RALYL: variants seen among roughly 807,000 people sequenced by gnomAD.
RALYL encodes RALY RNA binding protein like.
RALYL carries 29 observed loss-of-function variants against 35.1 expected under a neutral mutation model. The ratio of observed to expected loss-of-function variants is 0.83; its 90% CI spans 0.61 to 1.13. The LOEUF (loss-of-function observed/expected upper bound fraction) is 1.13. Ranked by LOEUF, RALYL falls within the 50% of genes most tolerant of loss-of-function variation. The probability of loss-of-function intolerance (pLI) is 0.00; values close to 1 mark genes in which losing one functional copy is unlikely to be tolerated. For synonymous variants in RALYL, 120 were observed against 127.6 expected, an observed-to-expected ratio of 0.94 and a Z score of 0.40; for missense variants, 359 against 360.4, an observed-to-expected ratio of 1.00 and a Z score of 0.03.
chr8:84,868,619 A>G (rs1156371853), intron 6 of RALYL, among the ~76,000 whole-genome samples: 1 of 152,228 alleles, frequency 6.6e-6, no homozygotes, highest in Non-Finnish European at 1.5e-5. Context: ...GCAGCTTCTA[A>G]TGAAATGCAA....
intron 2 of RALYL, among the ~76,000 whole-genome samples, chr8:84,642,112 C>G (rs764412077): frequency 4.6e-5 from 7 of 151,932 alleles, no homozygotes; most frequent in Non-Finnish European, 1.0e-4. Context: ...ATGTATATTA[C>G]ATAAATACAT....
chr8:84,641,190 C>G (rs1826236817), intron 2 of RALYL, among the ~76,000 whole-genome samples: 1 of 150,904 alleles, frequency 6.6e-6, no homozygotes, highest in Non-Finnish European at 1.5e-5. Flanking sequence ...ATCTCTCTCC[C>G]CTGCTTACTG....
At chr8:84,259,684 T>C (rs531307538) in intron 1 of RALYL, among the ~76,000 whole-genome samples, 1 of 152,236 alleles carries the variant, frequency 6.6e-6, no homozygotes, top group Non-Finnish European at 1.5e-5. Flanking sequence ...CTTGTGTTTT[T>C]GTGATCAAAC....
chr8:84,721,504 A>T (rs1395692611), intron 2 of RALYL, among the ~76,000 whole-genome samples: 1 of 152,172 alleles, frequency 6.6e-6, no homozygotes, highest in African/African-American at 2.4e-5. Context: ...CTCATAGCTG[A>T]TAACACGTTC....
chr8:84,814,347 G>A (rs537825022), intron 4 of RALYL, among the ~76,000 whole-genome samples: 44 of 152,140 alleles, frequency 2.9e-4, no homozygotes, highest in Middle Eastern at 3.4e-3. Context: ...TATTATAATG[G>A]GGAAAGATAA....
At chr8:84,836,045 G>A (rs1449182318) in intron 4 of RALYL, among the ~76,000 whole-genome samples, 1 of 152,136 alleles carries the variant, frequency 6.6e-6, no homozygotes. Flanking sequence ...TTATGCTGTT[G>A]CTGTTATTTT....
chr8:84,208,547 C>T (rs1467699211), intron 1 of RALYL, among the ~76,000 whole-genome samples: 8 of 152,096 alleles, frequency 5.3e-5, no homozygotes, highest in Non-Finnish European at 7.4e-5. Context: ...TTAAGCTTCT[C>T]AAGAATAGAG....
At chr8:84,900,253 AAT>A (rs1845440080) in intron 8 of RALYL, among the ~76,000 whole-genome samples, 1 of 152,208 alleles carries the variant, frequency 6.6e-6, no homozygotes, top group Non-Finnish European at 1.5e-5. Context: ...AATAGGAAAA[AAT>A]AGTTACTTTT....
At chr8:84,465,042 C>T (rs1416811430) in intron 1 of RALYL, among the ~76,000 whole-genome samples, 1 of 109,030 alleles carries the variant, frequency 9.2e-6, no homozygotes, top group Non-Finnish European at 2.0e-5. Flanking sequence ...TGGATATTAG[C>T]CCTTTGTCAG....
intron 2 of RALYL, among the ~76,000 whole-genome samples, chr8:84,693,983 G>A (rs548806972): frequency 3.3e-5 from 5 of 151,668 alleles, no homozygotes; most frequent in South Asian, 2.1e-4. Context: ...CACAATAAAG[G>A]CCATATCTGA....
chr8:84,276,734 G>C (rs1585859732), intron 1 of RALYL, among the ~76,000 whole-genome samples: 1 of 152,246 alleles, frequency 6.6e-6, no homozygotes, highest in South Asian at 2.1e-4. Flanking sequence ...TTTGATATTT[G>C]ACATTTAAGT....
At chr8:84,210,241 T>C (rs1347866457) in intron 1 of RALYL, among the ~76,000 whole-genome samples, 1 of 152,082 alleles carries the variant, frequency 6.6e-6, no homozygotes, top group Non-Finnish European at 1.5e-5. Context: ...TATATATATG[T>C]ATATTCTTAA....
chr8:84,226,746 GAAGTT>G (rs1433153309), intron 1 of RALYL, among the ~76,000 whole-genome samples: 1 of 152,122 alleles, frequency 6.6e-6, no homozygotes, highest in Non-Finnish European at 1.5e-5. Flanking sequence ...GTTTATCATT[GAAGTT>G]AAGTTCTAAT....
At chr8:84,862,133 T>A (rs920244937) in intron 5 of RALYL, among the ~76,000 whole-genome samples, 163 bp from the exon 6 acceptor site, 1 of 152,198 alleles carries the variant, frequency 6.6e-6, no homozygotes. Flanking sequence ...TTAGTGAAAA[T>A]TAAATCTGCC....
Position 84,568,736 on chromosome 8 carries a change from T to TGC in RALYL, c.256+39160_256+39161dup, listed in dbSNP as rs1337370084. On this transcript the variant is annotated intron_variant, in intron 2 of 8. Transcript: ENST00000521268. ...TGTTGTTTCCTGACTTTTTAATGAT[T>TGC]GCCATTCTAACTGGTGTGAGATGGT... is the stretch of plus-strand genomic sequence containing the variant. Among the ~76,000 whole-genome samples the TGC allele has an allele frequency of 1.5e-3, 197 of 130,638 alleles. 1 individual carries two copies. Among genetic ancestry groups the TGC allele is most frequent in the Middle Eastern group, 3.7e-3 (1 of 268 alleles). 85.7% of individuals were successfully genotyped at this position (130,638 alleles called of 152,430 possible). A position where few individuals can be genotyped will look rare whatever the true frequency, so the allele number is the denominator to read the frequency against.
At chr8:84,421,876 C>T (rs1346680781) in intron 1 of RALYL, among the ~76,000 whole-genome samples, 1 of 148,814 alleles carries the variant, frequency 6.7e-6, no homozygotes, top group African/African-American at 2.5e-5. Flanking sequence ...ATTGAACCAG[C>T]CTTGCATCCC....
chr8:84,810,743 C>A (rs1453416824), intron 4 of RALYL, among the ~76,000 whole-genome samples: 1 of 151,952 alleles, frequency 6.6e-6, no homozygotes, highest in African/African-American at 2.4e-5. Context: ...ATATAATGTC[C>A]CTCTTTGTCT....
At chr8:84,649,726 C>G (rs1449433254) in intron 2 of RALYL, among the ~76,000 whole-genome samples, 1 of 152,022 alleles carries the variant, frequency 6.6e-6, no homozygotes. Flanking sequence ...ATGCCTCCAG[C>G]TTTGTTCTTT....
At chr8:84,281,752 G>A (rs1836616126) in intron 1 of RALYL, among the ~76,000 whole-genome samples, 1 of 146,354 alleles carries the variant, frequency 6.8e-6, no homozygotes, top group African/African-American at 2.4e-5. Flanking sequence ...AAGTGTATGT[G>A]TGTGTGCACC....
Sources: allele counts gnomAD v4.1 joint callset (sites outside exome capture counted in the v4.1 genomes callset), GRCh38; gene constraint gnomAD v4.1.1; transcripts MANE v1.5; gene names NCBI Gene and HGNC (gene_info 2026-07-23, HGNC 2026-07-21).